ASDURF: variants seen among roughly 807,000 people sequenced by gnomAD.
The protein encoded by ASDURF is ASNSD1 upstream open reading frame.
ASDURF carries 3 observed loss-of-function variants against 3.3 expected under a neutral mutation model. The ratio of observed to expected loss-of-function variants is 0.92; its 90% CI spans 0.42 to 2.37. The LOEUF (loss-of-function observed/expected upper bound fraction) is 2.37, where lower values mean the gene tolerates loss of function less well. Among genes scored for constraint, ASDURF ranks in the 30% most tolerant of loss-of-function variants. ASDURF has a pLI of 0.05. For missense variants in ASDURF, 23 were observed against 25.4 expected (o/e 0.90, Z 0.21); for synonymous variants, 11 against 8.3 (o/e 1.32, Z -0.55).
Position 189,666,265 on chromosome 2 carries a change from T to C in ASDURF, c.*154T>C. 8 of 1,614,162 alleles carry C rather than the reference T, an allele frequency of 5.0e-6. No individual in the cohort carries two copies. Among genetic ancestry groups the C allele is most frequent in the Non-Finnish European group, 5.9e-6 (7 of 1,180,004 alleles). On this transcript the variant is annotated 3_prime_UTR_variant, in exon 4 of 4. Transcript: ENST00000607829. ...ACAATTGTTAAAGTCTGATGTTAAC[T>C]ACCAGTGTTTATTTTCTGCTCACGT...
At chr2:189,661,640 T>G in intron 1 of ASDURF, 30 bp downstream of exon 1, 1 of 399,454 alleles carries the variant, frequency 2.5e-6, no homozygotes, top group Non-Finnish European at 4.4e-6. Context: ...AAAAGGCTCC[T>G]GGACTCGGGA....
intron 2 of ASDURF, among the ~76,000 whole-genome samples, chr2:189,664,923 C>T (rs1262551169): frequency 6.6e-6 from 1 of 152,150 alleles, no homozygotes; most frequent in African/African-American, 2.4e-5. Context: ...CAAAGATAAT[C>T]ATCACAACCT....
At chr2:189,664,064 T>C (rs1391599883) in intron 2 of ASDURF, 110 bp downstream of exon 2, 7 of 337,844 alleles carry the variant, frequency 2.1e-5, no homozygotes. Context: ...TAATAAAATG[T>C]ATAGTATTTC....
At chr2:189,662,111 C>T (rs977200083) in intron 1 of ASDURF, among the ~76,000 whole-genome samples, 2 of 152,212 alleles carry the variant, frequency 1.3e-5, no homozygotes, top group African/African-American at 2.4e-5. Context: ...CCCGGCAAGG[C>T]CTTCCTAAGC....
chr2:189,664,102 G>C (rs2032733623), intron 2 of ASDURF, 148 bp downstream of exon 2: 1 of 327,644 alleles, frequency 3.1e-6, no homozygotes, highest in Non-Finnish European at 5.5e-6. Flanking sequence ...CAAGTGTCTA[G>C]ATTCTTTTTT....
chr2:189,665,616 A>ACATATATATATATG (rs1559034453), intron 3 of ASDURF, among the ~76,000 whole-genome samples, 165 bp downstream of exon 3: 16 of 106,998 alleles, frequency 1.5e-4, no homozygotes, highest in African/African-American at 6.0e-4. Flanking sequence ...ATATATATAT[A>ACATATATATATATG]TATATATATA....
Position 189,666,154 on chromosome 2 carries a change from G to C in ASDURF, c.*43G>C. 6.3e-7 allele frequency: 1 copy of C among 1,582,500 alleles called. No homozygotes were observed. Among genetic ancestry groups the C allele is most frequent in the Non-Finnish European group, 8.6e-7 (1 of 1,165,800 alleles). ...AACAATGTGTGGCATTTGTTGTTCT[G>C]TAAACTTTTCTGCTGAGCATTTCAG... On this transcript the variant is annotated 3_prime_UTR_variant, in exon 4 of 4. Coordinates refer to ENST00000607829, the MANE Select transcript of ASDURF (RefSeq NM_001353493.2).
At position 189,666,172 on chromosome 2, in the gene ASDURF, C is replaced by G. The variant is rs147443669; in HGVS notation, c.*61C>G. ...TTGTTCTGTAAACTTTTCTGCTGAGCATTTCAGTCAAGATTTAAAAGAGGA... is the reference window on the plus strand; with the variant it reads ...TTGTTCTGTAAACTTTTCTGCTGAGGATTTCAGTCAAGATTTAAAAGAGGA... On this transcript the variant is annotated 3_prime_UTR_variant, in exon 4 of 4. Transcript: ENST00000607829. 1.6e-5 allele frequency: 26 copies of G among 1,598,798 alleles called. No individual in the cohort carries two copies. In the Middle Eastern group the frequency reaches 3.2e-3, roughly 195 times the overall value.
At chr2:189,663,513 G>A (rs1170287995) in intron 1 of ASDURF, among the ~76,000 whole-genome samples, 4 of 152,082 alleles carry the variant, frequency 2.6e-5, no homozygotes, top group Admixed American at 6.5e-5. Context: ...TTGGCCTCCC[G>A]AAGTGCTGGG....
chr2:189,662,555 C>A (rs112714829), intron 1 of ASDURF, among the ~76,000 whole-genome samples: 1 of 152,098 alleles, frequency 6.6e-6, no homozygotes, highest in Admixed American at 6.5e-5. Context: ...GGTGCACATT[C>A]ATGGGGATTG....
chr2:189,665,588 A>G (rs535083030), intron 3 of ASDURF, 137 bp downstream of exon 3: 1 of 17,092 alleles, frequency 5.9e-5, no homozygotes, highest in Admixed American at 1.3e-3. Flanking sequence ...CAACAGTTAT[A>G]TATATATGTG....
At chr2:189,664,718 G>T (rs1316204561) in intron 2 of ASDURF, among the ~76,000 whole-genome samples, 1 of 151,670 alleles carries the variant, frequency 6.6e-6, no homozygotes, top group African/African-American at 2.4e-5. Context: ...CTGCACTCCA[G>T]CCTAGGCTAC....
chr2:189,662,356 A>G (rs977168858), intron 1 of ASDURF, among the ~76,000 whole-genome samples: 6 of 152,210 alleles, frequency 3.9e-5, no homozygotes, highest in Admixed American at 2.0e-4. Flanking sequence ...CAAACTTACA[A>G]TGACATCTTG....
At chr2:189,662,629 T>C (rs998131099) in intron 1 of ASDURF, among the ~76,000 whole-genome samples, 1 of 152,186 alleles carries the variant, frequency 6.6e-6, no homozygotes, top group African/African-American at 2.4e-5. Context: ...CACTTACGCA[T>C]ACTGGTGGTT....
chr2:189,663,610 C>T (rs1475614997), intron 1 of ASDURF, among the ~76,000 whole-genome samples: 2 of 152,186 alleles, frequency 1.3e-5, no homozygotes, highest in African/African-American at 2.4e-5. Flanking sequence ...AACTGTAGTC[C>T]TTGGCATGAT....
chr2:189,662,560 G>C (rs2032691958), intron 1 of ASDURF, among the ~76,000 whole-genome samples: 1 of 152,084 alleles, frequency 6.6e-6, no homozygotes, highest in African/African-American at 2.4e-5. Flanking sequence ...ACATTCATGG[G>C]GATTGGGGGT....
rs1431847401 is a variant in ASDURF, at chr2:189,662,599, T to C, written c.90+989T>C. Reference sequence around the variant, plus strand: ...TTTTCAAAAGACACACAGCCCATTCTGATTACCACCATAGCAAGCCACTTA... The same window carrying C: ...TTTTCAAAAGACACACAGCCCATTCCGATTACCACCATAGCAAGCCACTTA... On this transcript the variant is annotated intron_variant, in intron 1 of 3. Transcript: ENST00000607829. Among the ~76,000 whole-genome samples the C allele has an allele frequency of 2.0e-5, 3 of 152,326 alleles. No homozygotes were observed. The East Asian group carries it at 5.8e-4, about 29-fold the overall frequency.
chr2:189,665,594 ATG>A (rs200000623), intron 3 of ASDURF, 143 bp downstream of exon 3: 3,639 of 19,302 alleles, frequency 0.19, 266 homozygotes, highest in South Asian at 0.35. Flanking sequence ...TTATATATAT[ATG>A]TGTATATATA....
At chr2:189,661,802 G>A (rs2032671315) in intron 1 of ASDURF, among the ~76,000 whole-genome samples, 192 bp downstream of exon 1, 1 of 152,206 alleles carries the variant, frequency 6.6e-6, no homozygotes. Context: ...TGCGAAAAGG[G>A]AGATCTTGAA....
Sources: gnomAD v4.1 joint callset for allele counts (sites outside exome capture counted in the v4.1 genomes callset) on GRCh38, gnomAD v4.1.1 for gene constraint, MANE v1.5 for transcripts, NCBI Gene and HGNC (gene_info 2026-07-23, HGNC 2026-07-21) for gene names.